The following SND1 variants were observed in gnomAD, a reference collection of about 807,000 sequenced individuals.
The protein encoded by SND1 is staphylococcal nuclease and tudor domain containing 1, also known as staphylococcal nuclease domain-containing protein 1.
In SND1, 38 loss-of-function variants were observed where a neutral mutation model predicts 121.7. That is an observed-to-expected ratio of 0.31 (90% CI 0.24 to 0.41). SND1 has a LOEUF of 0.41. SND1 is among the 10% of genes least tolerant of loss of function. The pLI is 1.00. For missense variants in SND1, 868 were observed against 1,184.6 expected (o/e 0.73, Z 3.92); for synonymous variants, 401 against 447.4 (o/e 0.90, Z 1.31).
At chr7:127,773,899 T>C (rs1469422773) in intron 10 of SND1, among the ~76,000 whole-genome samples, 1 of 152,236 alleles carries the variant, frequency 6.6e-6, no homozygotes, top group Non-Finnish European at 1.5e-5. Flanking sequence ...TATTGCCTAC[T>C]GATGTAGCCT....
intron 16 of SND1, among the ~76,000 whole-genome samples, chr7:128,025,654 G>A (rs781230701): frequency 6.6e-5 from 10 of 152,174 alleles, no homozygotes; most frequent in Non-Finnish European, 1.3e-4. Context: ...TGTCCCAAGT[G>A]CCTGCTACAG....
intron 13 of SND1, among the ~76,000 whole-genome samples, chr7:127,891,792 C>T (rs1269705600): frequency 1.3e-5 from 2 of 152,118 alleles, no homozygotes; most frequent in African/African-American, 4.8e-5. Context: ...ATTCTTCAGC[C>T]ACTTTTTAAT....
At chr7:128,021,707 A>G (rs1358413539) in intron 16 of SND1, among the ~76,000 whole-genome samples, 1 of 152,210 alleles carries the variant, frequency 6.6e-6, no homozygotes, top group Non-Finnish European at 1.5e-5. Context: ...AAAAGAGACT[A>G]CAAATTAAGG....
chr7:127,982,928 C>T (rs1216853514), intron 15 of SND1, among the ~76,000 whole-genome samples: 1 of 152,150 alleles, frequency 6.6e-6, no homozygotes, highest in African/African-American at 2.4e-5. Flanking sequence ...TAACTACATT[C>T]CTTAAAATTA....
intron 13 of SND1, among the ~76,000 whole-genome samples, chr7:127,891,965 T>G (rs10281708): frequency 0.012 from 1,783 of 152,196 alleles, 28 homozygotes; most frequent in African/African-American, 0.041. Flanking sequence ...AATAGACAGG[T>G]CAGGTGGCAA....
At chr7:127,702,549 G>A (rs369691963) in intron 6 of SND1, 23 bp downstream of exon 6, 33 of 1,597,448 alleles carry the variant, frequency 2.1e-5, no homozygotes, top group East Asian at 1.6e-4. Flanking sequence ...TCTTGGCTAC[G>A]TGGTGGGTTT....
At chr7:128,088,768 TA>T (rs1275808842) in intron 21 of SND1, among the ~76,000 whole-genome samples, 165 of 143,010 alleles carry the variant, frequency 1.2e-3, no homozygotes, top group Middle Eastern at 3.6e-3. Flanking sequence ...CCTGTCTCTT[TA>T]AAAAAAAAAA....
chr7:127,675,445 C>T (rs183840279), intron 1 of SND1, among the ~76,000 whole-genome samples: 1 of 152,154 alleles, frequency 6.6e-6, no homozygotes, highest in East Asian at 1.9e-4. Flanking sequence ...CTGTTAGTAT[C>T]GTTATTCAAG....
chr7:127,788,467 A>C (rs1479244984), intron 10 of SND1, among the ~76,000 whole-genome samples: 5 of 152,178 alleles, frequency 3.3e-5, no homozygotes, highest in Non-Finnish European at 7.4e-5. Context: ...TAATTTACTC[A>C]TTTAATAAAG....
At chr7:127,787,325 G>A (rs1368739321) in intron 10 of SND1, among the ~76,000 whole-genome samples, 1 of 151,944 alleles carries the variant, frequency 6.6e-6, no homozygotes, top group Non-Finnish European at 1.5e-5. Context: ...GCCTCAAATT[G>A]CTGGGCTCAA....
At chr7:127,918,001 C>G (rs541001534) in intron 14 of SND1, among the ~76,000 whole-genome samples, 34 of 151,634 alleles carry the variant, frequency 2.2e-4, no homozygotes, top group East Asian at 2.1e-3. Context: ...GTTATCTGAC[C>G]TTTAATAATT....
intron 9 of SND1, among the ~76,000 whole-genome samples, chr7:127,712,633 C>T (rs1014975157): frequency 1.3e-5 from 2 of 152,204 alleles, no homozygotes; most frequent in African/African-American, 2.4e-5. Context: ...GTTTTCTCGC[C>T]ACTGTCTCAG....
intron 15 of SND1, among the ~76,000 whole-genome samples, chr7:127,955,716 G>A (rs575123243): frequency 3.3e-5 from 5 of 152,232 alleles, no homozygotes; most frequent in Non-Finnish European, 7.4e-5. Flanking sequence ...TGCTCTGACA[G>A]GATTCTGTCT....
At position 127,935,835 on chromosome 7, in the gene SND1, A is replaced by G. The variant is rs150975785; in HGVS notation, c.1669+6506A>G. Among the ~76,000 whole-genome samples the G allele has an allele frequency of 3.3e-4, 50 of 152,244 alleles. 1 individual carries two copies. Among genetic ancestry groups the G allele is most frequent in the African/African-American group, 1.2e-3 (48 of 41,534 alleles). ...GGTTTGGGTTGTGATTCTCAAGGGGAAAGTCAAGATAATTATTGGGAGCAG... is the reference window on the plus strand; with the variant it reads ...GGTTTGGGTTGTGATTCTCAAGGGGGAAGTCAAGATAATTATTGGGAGCAG... On this transcript the variant is annotated intron_variant, in intron 15 of 23. Coordinates refer to ENST00000354725, the MANE Select transcript of SND1 (RefSeq NM_014390.4).
At chr7:128,027,810 C>T (rs567096978) in intron 16 of SND1, 2 of 152,218 alleles carry the variant, frequency 1.3e-5, no homozygotes, top group African/African-American at 4.8e-5. Flanking sequence ...CCTTCCCACC[C>T]CCCTGCTGCC....
intron 17 of SND1, 118 bp downstream of exon 17, chr7:128,074,808 G>C: frequency 1.9e-6 from 2 of 1,066,032 alleles, no homozygotes; most frequent in Non-Finnish European, 2.7e-6. Flanking sequence ...GCCCAGGAAG[G>C]TGTTGGTCTC....
At chr7:127,694,741 A>G in intron 2 of SND1, 87 bp from the exon 3 acceptor site, 6 of 1,518,472 alleles carry the variant, frequency 4.0e-6, no homozygotes, top group Non-Finnish European at 5.4e-6. Flanking sequence ...GTACTCAGAC[A>G]TTTACTGAAG....
At chr7:127,892,600 T>A (rs2116740066) in intron 13 of SND1, among the ~76,000 whole-genome samples, 1 of 152,282 alleles carries the variant, frequency 6.6e-6, no homozygotes, top group African/African-American at 2.4e-5. Context: ...CTTTCGGCCT[T>A]CTGGCCTTCC....
chr7:128,004,357 T>C (rs1802910024), intron 16 of SND1, among the ~76,000 whole-genome samples: 2 of 152,190 alleles, frequency 1.3e-5, no homozygotes, highest in African/African-American at 4.8e-5. Context: ...GATGATGCAC[T>C]AAGAGTGCTG....
Sources: gnomAD v4.1 joint callset for allele counts (sites outside exome capture counted in the v4.1 genomes callset) on GRCh38, gnomAD v4.1.1 for gene constraint, MANE v1.5 for transcripts, NCBI Gene and HGNC (gene_info 2026-07-23, HGNC 2026-07-21) for gene names.